The following RBFOX1 variants were observed in gnomAD, a reference collection of about 807,000 sequenced individuals.
The protein encoded by RBFOX1 is RNA binding protein fox-1 homolog 1.
In RBFOX1, 8 loss-of-function variants were observed where a neutral mutation model predicts 57.7. The observed-to-expected ratio is 0.14, with a 90% CI of 0.08 to 0.25. The LOEUF (loss-of-function observed/expected upper bound fraction) is 0.25. Among genes scored for constraint, RBFOX1 ranks in the 10% least tolerant of loss-of-function variants. The pLI is 1.00. For synonymous variants in RBFOX1, 326 were observed against 222.4 expected, an observed-to-expected ratio of 1.47 and a Z score of -4.15; for missense variants, 611 against 548.5, an observed-to-expected ratio of 1.11 and a Z score of -1.14.
At chr16:7,511,390 C>T (rs1033572051) in intron 4 of RBFOX1, among the ~76,000 whole-genome samples, 1 of 152,146 alleles carries the variant, frequency 6.6e-6, no homozygotes, top group African/African-American at 2.4e-5. Context: ...ACTCTCTCAT[C>T]TTATTTTCTC....
intron 3 of RBFOX1, among the ~76,000 whole-genome samples, chr16:5,785,146 G>A (rs182092808): frequency 2.0e-5 from 3 of 152,160 alleles, no homozygotes; most frequent in East Asian, 1.9e-4. Flanking sequence ...TTCCCAGGAC[G>A]GGTGTTAAAG....
chr16:6,595,623 G>A (rs2097769659), intron 2 of RBFOX1, among the ~76,000 whole-genome samples: 1 of 152,118 alleles, frequency 6.6e-6, no homozygotes, highest in Admixed American at 6.5e-5. Flanking sequence ...AACATTTTGA[G>A]GAACTTCCAA....
intron 4 of RBFOX1, chr16:7,304,591 G>T: frequency 2.0e-6 from 2 of 985,250 alleles, no homozygotes; most frequent in Non-Finnish European, 1.2e-6. Context: ...TTCTGAGGAG[G>T]GGGCTCCCGC....
chr16:7,129,379 G>T (rs1414440599), intron 4 of RBFOX1, among the ~76,000 whole-genome samples: 4 of 152,126 alleles, frequency 2.6e-5, no homozygotes, highest in Non-Finnish European at 5.9e-5. Flanking sequence ...CATGGGTACT[G>T]GAAGTGGCAT....
intron 1 of RBFOX1, among the ~76,000 whole-genome samples, chr16:5,452,659 T>G (rs1403762782): frequency 6.6e-6 from 1 of 151,842 alleles, no homozygotes; most frequent in Non-Finnish European, 1.5e-5. Flanking sequence ...CTTTTTTTTT[T>G]TTGAGACAGA....
intron 1 of RBFOX1, among the ~76,000 whole-genome samples, chr16:5,262,961 A>G (rs940117967): frequency 2.6e-5 from 4 of 152,156 alleles, no homozygotes; most frequent in Admixed American, 2.6e-4. Context: ...CCATATCTGG[A>G]GGATCTTTAC....
intron 2 of RBFOX1, among the ~76,000 whole-genome samples, chr16:6,620,031 A>C (rs889547105): frequency 1.3e-5 from 2 of 152,170 alleles, no homozygotes; most frequent in Admixed American, 6.5e-5. Flanking sequence ...CCTGCAAAGG[A>C]CATAATCTTA....
chr16:6,766,948 C>T (rs555920462), intron 3 of RBFOX1, among the ~76,000 whole-genome samples: 2 of 151,998 alleles, frequency 1.3e-5, no homozygotes, highest in African/African-American at 4.8e-5. Context: ...TGGTACTAGC[C>T]CTTGGTAAGT....
chr16:5,338,195 AC>A (rs1321942628), intron 1 of RBFOX1, among the ~76,000 whole-genome samples: 1 of 152,200 alleles, frequency 6.6e-6, no homozygotes, highest in Non-Finnish European at 1.5e-5. Context: ...TTCTATGAGA[AC>A]ATGATCTCAT....
chr16:7,399,039 G>C (rs991150776), intron 4 of RBFOX1, among the ~76,000 whole-genome samples: 3 of 152,206 alleles, frequency 2.0e-5, no homozygotes, highest in Admixed American at 6.5e-5. Context: ...TTGAGTGACT[G>C]TTGGGTACTC....
At chr16:6,091,873 C>G (rs1484572467) in intron 1 of RBFOX1, among the ~76,000 whole-genome samples, 1 of 152,074 alleles carries the variant, frequency 6.6e-6, no homozygotes, top group Non-Finnish European at 1.5e-5. Context: ...AATAAATGGT[C>G]CTCTAGTGTT....
At chr16:7,404,276 C>G in intron 4 of RBFOX1, among the ~76,000 whole-genome samples, 1 of 152,210 alleles carries the variant, frequency 6.6e-6, no homozygotes, top group Middle Eastern at 3.4e-3. Flanking sequence ...TGGTCTCTAA[C>G]TCCTGACCTC....
chr16:7,156,507 G>A (rs1473601115), intron 4 of RBFOX1, among the ~76,000 whole-genome samples: 2 of 151,880 alleles, frequency 1.3e-5, no homozygotes, highest in African/African-American at 4.8e-5. Flanking sequence ...GCATATACAT[G>A]TACACATGCA....
intron 2 of RBFOX1, among the ~76,000 whole-genome samples, chr16:6,533,943 G>A (rs2096698830): frequency 1.3e-5 from 2 of 152,122 alleles, no homozygotes; most frequent in South Asian, 4.1e-4. Context: ...CAAGCTGCAA[G>A]GAGGAAATAT....
intron 3 of RBFOX1, among the ~76,000 whole-genome samples, chr16:6,861,056 G>A (rs941016768): frequency 2.6e-5 from 4 of 152,112 alleles, no homozygotes; most frequent in Non-Finnish European, 5.9e-5. Context: ...TGTAATCTGC[G>A]AGAGTGACTG....
chr16:6,761,549 C>A (rs2076604725), intron 3 of RBFOX1, among the ~76,000 whole-genome samples: 2 of 112,774 alleles, frequency 1.8e-5, no homozygotes, highest in Admixed American at 2.7e-4. Flanking sequence ...GCTCTGTCAC[C>A]CAGGCTGGAG....
At chr16:5,579,438 C>T (rs779842683) in intron 2 of RBFOX1, among the ~76,000 whole-genome samples, 16 of 152,140 alleles carry the variant, frequency 1.1e-4, no homozygotes, top group Admixed American at 4.6e-4. Context: ...CTGTGCTCCC[C>T]GCATCCATGT....
At chr16:7,380,717 A>G (rs540062699) in intron 4 of RBFOX1, among the ~76,000 whole-genome samples, 2 of 152,214 alleles carry the variant, frequency 1.3e-5, no homozygotes, top group Non-Finnish European at 2.9e-5. Flanking sequence ...TTTCGTTTGC[A>G]CCTGAATATT....
chr16:6,899,042 A>G (rs1045457041), intron 3 of RBFOX1, among the ~76,000 whole-genome samples: 20 of 150,970 alleles, frequency 1.3e-4, no homozygotes, highest in African/African-American at 4.9e-4. Flanking sequence ...TAATGTGTGT[A>G]TGCATGTGTA....
Sources: allele counts gnomAD v4.1 joint callset (sites outside exome capture counted in the v4.1 genomes callset), GRCh38; gene constraint gnomAD v4.1.1; transcripts MANE v1.5; gene names NCBI Gene and HGNC (gene_info 2026-07-23, HGNC 2026-07-21).